HYCC1: variants seen among roughly 807,000 people sequenced by gnomAD.
The protein encoded by HYCC1 is hyccin.
the HYCC1 span, among the ~76,000 whole-genome samples, chr7:22,920,284 T>G: frequency 2.5e-4 from 38 of 152,018 alleles, no homozygotes; most frequent in Non-Finnish European, 5.0e-4. Context: ...CAGTGAGCCA[T>G]GATTGTGCCA....
At chr7:22,983,206 G>A in the HYCC1 span, among the ~76,000 whole-genome samples, 1 of 151,822 alleles carries the variant, frequency 6.6e-6, no homozygotes, top group African/African-American at 2.4e-5. Context: ...GTGCACGACT[G>A]AAGTACCAGC....
chr7:22,977,344 A>G, the HYCC1 span: 1 of 1,560,846 alleles, frequency 6.4e-7, no homozygotes, highest in Non-Finnish European at 8.8e-7. Flanking sequence ...CACTTACTTC[A>G]TGGTATACAG....
At chr7:22,941,197 T>C in the HYCC1 span, 1 of 152,176 alleles carries the variant, frequency 6.6e-6, no homozygotes. Context: ...TCTTCCTTCA[T>C]ATCAAAACTT....
the HYCC1 span, among the ~76,000 whole-genome samples, chr7:23,009,743 T>A: frequency 6.6e-6 from 1 of 152,172 alleles, no homozygotes. Flanking sequence ...GTCACAACTC[T>A]TCTCTGTCTC....
chr7:22,922,368 A>G, the HYCC1 span, among the ~76,000 whole-genome samples: 3 of 152,210 alleles, frequency 2.0e-5, no homozygotes, highest in African/African-American at 4.8e-5. Context: ...TGAAAATATT[A>G]TAAGTCAAAA....
the HYCC1 span, among the ~76,000 whole-genome samples, chr7:22,987,034 A>T: frequency 6.6e-6 from 1 of 152,186 alleles, no homozygotes; most frequent in Non-Finnish European, 1.5e-5. Context: ...CACACATAAG[A>T]TTTGATTTTG....
At chr7:22,976,599 A>T in the HYCC1 span, 2 of 808,426 alleles carry the variant, frequency 2.5e-6, no homozygotes, top group Non-Finnish European at 4.3e-6. Context: ...AAATTGTCAC[A>T]CACAACTCAT....
chr7:22,989,300 AC>A, the HYCC1 span, among the ~76,000 whole-genome samples: 1 of 32,350 alleles, frequency 3.1e-5, no homozygotes, highest in African/African-American at 7.0e-5. Flanking sequence ...ACACACACAC[AC>A]ACACACACAC....
chr7:22,999,198 T>C, the HYCC1 span, among the ~76,000 whole-genome samples: 1 of 152,210 alleles, frequency 6.6e-6, no homozygotes, highest in African/African-American at 2.4e-5. Flanking sequence ...TGTTATGTAT[T>C]TCACTAAATA....
the HYCC1 span, among the ~76,000 whole-genome samples, chr7:22,918,429 C>T: frequency 2.6e-5 from 4 of 152,132 alleles, no homozygotes; most frequent in Admixed American, 6.5e-5. Context: ...CCCCTAATCC[C>T]ACTAGAAGCA....
chr7:22,909,519 T>G, the HYCC1 span, among the ~76,000 whole-genome samples: 1 of 152,224 alleles, frequency 6.6e-6, no homozygotes, highest in Non-Finnish European at 1.5e-5. Flanking sequence ...TTCTACAGGC[T>G]GACTTTAATC....
the HYCC1 span, among the ~76,000 whole-genome samples, chr7:22,902,126 A>G: frequency 6.6e-6 from 1 of 152,148 alleles, no homozygotes; most frequent in Non-Finnish European, 1.5e-5. Flanking sequence ...AATAAAAGTA[A>G]CATATCTAGG....
the HYCC1 span, among the ~76,000 whole-genome samples, chr7:22,900,254 G>A: frequency 6.6e-6 from 1 of 152,242 alleles, no homozygotes; most frequent in Non-Finnish European, 1.5e-5. Context: ...AGGTTAAAAT[G>A]TTGGCACACT....
the HYCC1 span, among the ~76,000 whole-genome samples, chr7:22,903,001 A>G: frequency 6.6e-6 from 1 of 152,192 alleles, no homozygotes; most frequent in Non-Finnish European, 1.5e-5. Context: ...GAAAATGCAA[A>G]TCAAAACCAC....
At chr7:22,952,843 G>A in the HYCC1 span, among the ~76,000 whole-genome samples, 1 of 151,896 alleles carries the variant, frequency 6.6e-6, no homozygotes, top group Non-Finnish European at 1.5e-5. Context: ...TTAAAGGGCT[G>A]CACTCTGAGC....
At chr7:22,995,161 A>ATCTCC in the HYCC1 span, among the ~76,000 whole-genome samples, 3 of 152,040 alleles carry the variant, frequency 2.0e-5, no homozygotes, top group African/African-American at 7.2e-5. Context: ...CTTTCTTCTT[A>ATCTCC]TTACCACTCA....
At chr7:23,003,913 A>G in the HYCC1 span, among the ~76,000 whole-genome samples, 23 of 152,326 alleles carry the variant, frequency 1.5e-4, no homozygotes, top group African/African-American at 5.5e-4. Flanking sequence ...ACAAAATTCT[A>G]TTTGATTCTC....
chr7:22,972,041 T>C, the HYCC1 span, among the ~76,000 whole-genome samples: 4 of 152,148 alleles, frequency 2.6e-5, no homozygotes, highest in African/African-American at 9.7e-5. Flanking sequence ...ATATCAGATA[T>C]GCTCTAGAAT....
At chr7:22,926,619 A>G in the HYCC1 span, among the ~76,000 whole-genome samples, 135 of 152,280 alleles carry the variant, frequency 8.9e-4, no homozygotes, top group African/African-American at 3.0e-3. Flanking sequence ...GATCAATTCA[A>G]CAAGAAAAGC....
Sources: gnomAD v4.1 joint callset for allele counts (sites outside exome capture counted in the v4.1 genomes callset) on GRCh38, gnomAD v4.1.1 for gene constraint, MANE v1.5 for transcripts, NCBI Gene and HGNC (gene_info 2026-07-23, HGNC 2026-07-21) for gene names.